Variants in CAPZB observed in about 807,000 individuals in gnomAD.
The protein encoded by CAPZB is F-actin-capping protein subunit beta.
In CAPZB, 2 loss-of-function variants were observed where a neutral mutation model predicts 38.1. The observed-to-expected ratio is 0.05, with a 90% CI of 0.02 to 0.17. CAPZB has a LOEUF of 0.17. Among genes scored for constraint, CAPZB ranks in the 10% least tolerant of loss-of-function variants. The probability of loss-of-function intolerance (pLI) is 1.00; values close to 1 mark genes in which losing one functional copy is unlikely to be tolerated. For synonymous variants in CAPZB, 107 were observed against 127.4 expected, an observed-to-expected ratio of 0.84 and a Z score of 1.08; for missense variants, 161 against 334.2, an observed-to-expected ratio of 0.48 and a Z score of 4.04.
At chr1:19,405,541 CAAAAAAAAAAAAAA>C (rs10577923) in intron 2 of CAPZB, among the ~76,000 whole-genome samples, 1 of 96,516 alleles carries the variant, frequency 1.0e-5, no homozygotes, top group Non-Finnish European at 2.0e-5. Flanking sequence ...TAGAAAGAGG[CAAAAAAAAAAAAAA>C]AAAAAAAAAA....
At chr1:19,382,204 G>A (rs1195841725) in intron 3 of CAPZB, among the ~76,000 whole-genome samples, 3 of 152,166 alleles carry the variant, frequency 2.0e-5, no homozygotes, top group Admixed American at 1.3e-4. Flanking sequence ...ATTTCTACTG[G>A]CTCACAGACG....
Position 19,387,004 on chromosome 1 carries a change from T to C in CAPZB, c.94-1378A>G, listed in dbSNP as rs1372830983. On this transcript the variant is annotated intron_variant, in intron 2 of 8. Coordinates refer to ENST00000264202, the MANE Select transcript of CAPZB (RefSeq NM_004930.5). Reference sequence around the variant, plus strand: ...TAACAAACATAATAAAAATGGGGGCTACTTTCAAAGTTGGTTTTGGTGATA... The same window carrying C: ...TAACAAACATAATAAAAATGGGGGCCACTTTCAAAGTTGGTTTTGGTGATA... Among the ~76,000 whole-genome samples the C allele has an allele frequency of 2.0e-5, 3 of 152,330 alleles. No homozygotes were observed. In the East Asian group the frequency reaches 5.8e-4, roughly 29 times the overall value.
chr1:19,432,271 A>C (rs530546370), intron 1 of CAPZB, among the ~76,000 whole-genome samples: 1 of 149,514 alleles, frequency 6.7e-6, no homozygotes, highest in East Asian at 2.0e-4. Context: ...GCAAAACCCC[A>C]TCTCCATCCA....
intron 1 of CAPZB, among the ~76,000 whole-genome samples, chr1:19,454,511 A>G (rs1028976249): frequency 6.6e-6 from 1 of 152,180 alleles, no homozygotes; most frequent in Non-Finnish European, 1.5e-5. Flanking sequence ...GAGTAGTGGC[A>G]CATTTATGCA....
intron 2 of CAPZB, among the ~76,000 whole-genome samples, chr1:19,398,567 C>T (rs1398367759): frequency 1.3e-5 from 2 of 152,160 alleles, no homozygotes; most frequent in Non-Finnish European, 2.9e-5. Flanking sequence ...CGGGTTGCTT[C>T]GCTGTTCTCA....
intron 6 of CAPZB, among the ~76,000 whole-genome samples, chr1:19,350,772 C>T (rs1442990718): frequency 6.6e-6 from 1 of 151,744 alleles, no homozygotes; most frequent in African/African-American, 2.4e-5. Flanking sequence ...ACTGCTGCCT[C>T]ACCTGGCTAA....
chr1:19,352,799 G>A (rs1270622206), intron 6 of CAPZB, among the ~76,000 whole-genome samples: 1 of 152,260 alleles, frequency 6.6e-6, no homozygotes, highest in Non-Finnish European at 1.5e-5. Flanking sequence ...TTGGAGGTGG[G>A]AGAAGTAAAA....
At chr1:19,405,541 C>CAAAAAAAAAAAAAAAAAAA (rs10577923) in intron 2 of CAPZB, among the ~76,000 whole-genome samples, 1 of 96,514 alleles carries the variant, frequency 1.0e-5, no homozygotes, top group African/African-American at 4.5e-5. Context: ...TAGAAAGAGG[C>CAAAAAAAAAAAAAAAAAAA]AAAAAAAAAA....
chr1:19,374,339 C>T (rs530043432), intron 4 of CAPZB: 3 of 152,376 alleles, frequency 2.0e-5, no homozygotes, highest in South Asian at 2.1e-4. Context: ...TGAGCTCCAA[C>T]GTGGCAGGAG....
At chr1:19,399,974 A>G (rs140140180) in intron 2 of CAPZB, among the ~76,000 whole-genome samples, 1 of 152,280 alleles carries the variant, frequency 6.6e-6, no homozygotes, top group Non-Finnish European at 1.5e-5. Context: ...ACACAGATGC[A>G]AGCAGCTGAG....
chr1:19,444,087 G>A (rs1401309909), intron 1 of CAPZB, among the ~76,000 whole-genome samples: 1 of 152,174 alleles, frequency 6.6e-6, no homozygotes, highest in Non-Finnish European at 1.5e-5. Context: ...GAACCTGGGA[G>A]GCAGAGGTTG....
intron 1 of CAPZB, among the ~76,000 whole-genome samples, chr1:19,440,389 G>T (rs749229525): frequency 1.1e-4 from 17 of 152,162 alleles, no homozygotes; most frequent in Non-Finnish European, 2.1e-4. Flanking sequence ...TGGAAGAGAT[G>T]ATGTAAAAAC....
intron 1 of CAPZB, among the ~76,000 whole-genome samples, chr1:19,441,743 C>T (rs141226060): frequency 2.0e-3 from 303 of 151,848 alleles, no homozygotes; most frequent in African/African-American, 7.0e-3. Flanking sequence ...CACAGTGGCT[C>T]ATGCCTATAA....
chr1:19,379,100 C>CT (rs371398074), intron 3 of CAPZB, among the ~76,000 whole-genome samples: 49,346 of 138,100 alleles, frequency 0.36, 8,969 homozygotes, highest in Middle Eastern at 0.42. Context: ...TTTTTTCTTT[C>CT]TTTTTTTTTT....
intron 1 of CAPZB, among the ~76,000 whole-genome samples, chr1:19,445,320 C>G (rs1473697201): frequency 6.6e-6 from 1 of 150,556 alleles, no homozygotes; most frequent in Non-Finnish European, 1.5e-5. Context: ...AAAAACCCAC[C>G]AAAAAAGCAA....
At chr1:19,368,993 C>T (rs917396387) in intron 4 of CAPZB, among the ~76,000 whole-genome samples, 7 of 152,174 alleles carry the variant, frequency 4.6e-5, no homozygotes, top group South Asian at 2.1e-4. Context: ...ACATGTGCAA[C>T]GGCCCAAACC....
rs2094185530 is a variant in CAPZB at position 19,383,286 on chromosome 1, A to T, written c.215+2219T>A. Among the ~76,000 whole-genome samples the T allele has an allele frequency of 3.3e-5, 5 of 152,004 alleles. No homozygotes were observed. In the South Asian group the frequency reaches 1.0e-3, roughly 32 times the overall value. On this transcript the variant is annotated intron_variant, in intron 3 of 8. Coordinates refer to ENST00000264202, the MANE Select transcript of CAPZB (RefSeq NM_004930.5). ...CGTGGTGAAACCCTGTCTGCACTGA[A>T]AATACAAAGACTAGCTGGGAGCGAT... is the stretch of plus-strand genomic sequence containing the variant.
At chr1:19,466,766 C>T (rs1011149766) in intron 1 of CAPZB, among the ~76,000 whole-genome samples, 8 of 152,132 alleles carry the variant, frequency 5.3e-5, no homozygotes, top group African/African-American at 1.7e-4. Context: ...TTTTAGAGAG[C>T]ATATGGATGA....
intron 1 of CAPZB, among the ~76,000 whole-genome samples, chr1:19,459,320 G>A (rs1374746333): frequency 1.3e-5 from 2 of 152,190 alleles, no homozygotes; most frequent in African/African-American, 4.8e-5. Flanking sequence ...GTCTATCAAA[G>A]TCTTAGCAGT....
Sources: gnomAD v4.1 joint callset for allele counts (sites outside exome capture counted in the v4.1 genomes callset) on GRCh38, gnomAD v4.1.1 for gene constraint, MANE v1.5 for transcripts, NCBI Gene and HGNC (gene_info 2026-07-23, HGNC 2026-07-21) for gene names.